Variants in KCNQ1 observed in about 807,000 individuals in gnomAD.
KCNQ1 encodes potassium voltage-gated channel subfamily Q member 1.
KCNQ1 carries 49 observed loss-of-function variants against 72.4 expected under a neutral mutation model. That is an observed-to-expected ratio of 0.68 (90% confidence interval 0.54 to 0.86). The LOEUF is 0.86. Ranked by LOEUF, KCNQ1 falls within the 40% of genes least tolerant of loss-of-function variation. The pLI is 0.00. For missense variants in KCNQ1, 790 were observed against 945.1 expected, an observed-to-expected ratio of 0.84 and a Z score of 2.15; for synonymous variants, 450 against 412.6, an observed-to-expected ratio of 1.09 and a Z score of -1.10.
rs547697499 is a variant in KCNQ1 at position 2,565,777 on chromosome 11, A to T, written c.478-4851A>T. ...TCCGAGGCGTTTCTTCCCACTTCAC[A>T]TGTCTTTTCTGTTGTTTCTGCGAAG... On this transcript the variant is annotated intron_variant, in intron 2 of 15. Transcript: ENST00000155840. The surrounding 1 kb of genome is among the most constrained non-coding windows in gnomAD (Gnocchi z 5.6). Among the ~76,000 whole-genome samples, 3 of 152,258 alleles carry T rather than the reference A, an allele frequency of 2.0e-5. No individual in the cohort carries two copies. Among genetic ancestry groups the T allele is most frequent in the African/African-American group, 7.2e-5 (3 of 41,558 alleles).
intron 8 of KCNQ1, among the ~76,000 whole-genome samples, chr11:2,586,482 C>T (rs1376171827): frequency 2.0e-5 from 3 of 152,210 alleles, no homozygotes. Flanking sequence ...CATTGGATTC[C>T]TGGTCCCACT....
rs543426353 is a variant in KCNQ1 at position 2,614,232 on chromosome 11, A to G, written c.1393+25378A>G. ...TTAGTCATTTGCAAGAGCCTCCACT[A>G]TAGCTGCTGCTCTGGACTACCTATT... On this transcript the variant is annotated intron_variant, in intron 10 of 15. Transcript: ENST00000155840. 3.2e-4 allele frequency: 128 copies of G among 398,582 alleles called. 1 individual carries two copies. Among genetic ancestry groups the G allele is most frequent in the Middle Eastern group, 3.1e-3 (5 of 1,588 alleles). The allele number at this position is 398,582 out of a possible 1,614,324, so 24.7% of individuals were successfully genotyped here. A position where few individuals can be genotyped will look rare whatever the true frequency, so the allele number is the denominator to read the frequency against.
At chr11:2,666,984 G>A (rs1350367465) in intron 11 of KCNQ1, 2 of 398,584 alleles carry the variant, frequency 5.0e-6, no homozygotes, top group Non-Finnish European at 8.8e-6. Flanking sequence ...CGCCCGGGAG[G>A]GCTGTACAGG....
chr11:2,523,641 T>C (rs2283152), intron 1 of KCNQ1, among the ~76,000 whole-genome samples: 100,107 of 152,082 alleles, frequency 0.66, 33,440 homozygotes, highest in African/African-American at 0.73. Context: ...GAAGGGCAGC[T>C]GTGAAGTGGG....
Position 2,659,628 on chromosome 11 carries a change from A to G in KCNQ1, c.1394-2333A>G. On this transcript the variant is annotated intron_variant, in intron 10 of 15. Coordinates refer to ENST00000155840, the MANE Select transcript of KCNQ1 (RefSeq NM_000218.3). This position sits in a 1 kb window ranked among gnomAD's most constrained non-coding sequence, Gnocchi z 4.3. ...TCACTTGGGTGGGAAAGGAACCGAT[A>G]GGTCATGTGGTATGTGTATGTTTAA... 2.5e-6 allele frequency: 1 copy of G among 398,560 alleles called. No individual in the cohort carries two copies. The highest frequency in any genetic ancestry group is 4.4e-6 in the Non-Finnish European group (1 of 226,022). 24.7% of individuals were successfully genotyped at this position (398,560 alleles called of 1,614,324 possible).
Position 2,668,401 on chromosome 11 carries a change from A to T in KCNQ1, c.1514+6320A>T, listed in dbSNP as rs1850122616. On this transcript the variant is annotated intron_variant, in intron 11 of 15. Coordinates refer to ENST00000155840, the MANE Select transcript of KCNQ1 (RefSeq NM_000218.3). The surrounding 1 kb of genome is among the most constrained non-coding windows in gnomAD (Gnocchi z 4.3). ...TACCCAGCAGTCTACCAAAGGAGTC[A>T]TTCCAATTTTCATTCCCACAGGCAG... 2.5e-6 allele frequency: 1 copy of T among 398,516 alleles called. No individual in the cohort carries two copies. Among genetic ancestry groups the T allele is most frequent in the African/African-American group, 2.1e-5 (1 of 48,618 alleles). 24.7% of individuals were successfully genotyped at this position (398,516 alleles called of 1,614,324 possible). A position where few individuals can be genotyped will look rare whatever the true frequency, so the allele number is the denominator to read the frequency against.
At position 2,734,014 on chromosome 11, in the gene KCNQ1, C is replaced by T. The variant is rs1377843514; in HGVS notation, c.1515-34830C>T. 6.6e-6 allele frequency among the ~76,000 whole-genome samples: 1 copy of T among 152,000 alleles called. No individual in the cohort carries two copies. Among genetic ancestry groups the T allele is most frequent in the Non-Finnish European group, 1.5e-5 (1 of 67,994 alleles). ...CTGAACATCCTCCTCAGAGCAGTTG[C>T]GCGCTCTAAATCAGGACCACCTTGC... is the stretch of plus-strand genomic sequence containing the variant. On this transcript the variant is annotated intron_variant, in intron 11 of 15. Coordinates refer to ENST00000155840, the MANE Select transcript of KCNQ1 (RefSeq NM_000218.3). This position sits in a 1 kb window ranked among gnomAD's most constrained non-coding sequence, Gnocchi z 7.0.
rs530696509 is a variant in KCNQ1 at position 2,585,128 on chromosome 11, C to T, written c.1033-84C>T. 51 of 1,243,908 alleles carry T rather than the reference C, an allele frequency of 4.1e-5. No homozygotes were observed. The African/African-American group carries it at 5.0e-4, about 12-fold the overall frequency. 77.1% of individuals were successfully genotyped at this position (1,243,908 alleles called of 1,614,324 possible). A position where few individuals can be genotyped will look rare whatever the true frequency, so the allele number is the denominator to read the frequency against. The stretch of plus-strand genomic sequence containing the variant: ...CTGACCATACCTGGCCTTCCCACAA[C>T]GGTGACCGGTAACCACGTCCTGAGG... On this transcript the variant is annotated intron_variant, in intron 7 of 15. Coordinates refer to ENST00000155840, the MANE Select transcript of KCNQ1 (RefSeq NM_000218.3).
intron 11 of KCNQ1, among the ~76,000 whole-genome samples, chr11:2,719,228 C>T (rs1851160815): frequency 6.6e-6 from 1 of 151,522 alleles, no homozygotes; most frequent in Admixed American, 6.6e-5. Context: ...GAAGGTGGTG[C>T]TGGCTAAAGC....
Position 2,606,424 on chromosome 11 carries a change from C to T in KCNQ1, c.1393+17570C>T, listed in dbSNP as rs183198059. On this transcript the variant is annotated intron_variant, in intron 10 of 15. Transcript: ENST00000155840. ...CTCGTGAATGGCTTGGTACCATCCC[C>T]GTGGTAATGAGCGAATTCTTACTCT... is the stretch of plus-strand genomic sequence containing the variant. Among the ~76,000 whole-genome samples, 1,385 of 152,182 alleles carry T rather than the reference C, an allele frequency of 9.1e-3. 27 individuals carry two copies. The highest frequency in any genetic ancestry group is 0.05 in the South Asian group (243 of 4,822).
At chr11:2,517,020 T>C (rs1812529066) in intron 1 of KCNQ1, among the ~76,000 whole-genome samples, 1 of 152,134 alleles carries the variant, frequency 6.6e-6, no homozygotes, top group African/African-American at 2.4e-5. Flanking sequence ...CAAGCACGGC[T>C]GTGTTCACCC....
chr11:2,628,219 T>C (rs1849291595), intron 10 of KCNQ1: 2 of 398,532 alleles, frequency 5.0e-6, no homozygotes, highest in East Asian at 3.6e-5. Flanking sequence ...TATCGTGTTT[T>C]CCATAATGAC....
Position 2,767,061 on chromosome 11 carries a change from A to C in KCNQ1, c.1515-1783A>C, listed in dbSNP as rs921706877. ...GCATGGTGGTGTGCACCTGCTACTC[A>C]GGAGGCTGAGGCAGAAAAATCACTT... On this transcript the variant is annotated intron_variant, in intron 11 of 15. Coordinates refer to ENST00000155840, the MANE Select transcript of KCNQ1 (RefSeq NM_000218.3). This position sits in a 1 kb window ranked among gnomAD's most constrained non-coding sequence, Gnocchi z 4.6. 6.6e-6 allele frequency among the ~76,000 whole-genome samples: 1 copy of C among 152,186 alleles called. No homozygotes were observed. The highest frequency in any genetic ancestry group is 6.5e-5 in the Admixed American group (1 of 15,286).
At chr11:2,835,699 G>C (rs1214241791) in intron 15 of KCNQ1, among the ~76,000 whole-genome samples, 1 of 152,128 alleles carries the variant, frequency 6.6e-6, no homozygotes, top group Non-Finnish European at 1.5e-5. Context: ...CTGGGGCAGG[G>C]GTGTCTTTAG....
At chr11:2,840,596 G>A (rs1455550839) in intron 15 of KCNQ1, among the ~76,000 whole-genome samples, 2 of 152,144 alleles carry the variant, frequency 1.3e-5, no homozygotes, top group South Asian at 4.1e-4. Context: ...AGGCATAAAG[G>A]AAAAGATGGA....
Position 2,464,299 on chromosome 11 carries a change from T to A in KCNQ1, c.386+18815T>A, listed in dbSNP as rs942457723. ...GGGCTGTGGGTTTTAATCTTTTCATTTTTGCTCATCTGAATTTTCTAATTA... is the reference window on the plus strand; with the variant it reads ...GGGCTGTGGGTTTTAATCTTTTCATATTTGCTCATCTGAATTTTCTAATTA... On this transcript the variant is annotated intron_variant, in intron 1 of 15. Coordinates refer to ENST00000155840, the MANE Select transcript of KCNQ1 (RefSeq NM_000218.3). The surrounding 1 kb of genome is among the most constrained non-coding windows in gnomAD (Gnocchi z 5.0). Among the ~76,000 whole-genome samples, 1 of 152,200 alleles carries A rather than the reference T, an allele frequency of 6.6e-6. No individual in the cohort carries two copies. The highest frequency in any genetic ancestry group is 1.5e-5 in the Non-Finnish European group (1 of 68,040).
intron 4 of KCNQ1, 79 bp from the exon 5 acceptor site, chr11:2,571,934 G>C: frequency 8.2e-7 from 1 of 1,217,464 alleles, no homozygotes; most frequent in East Asian, 2.5e-5. Context: ...GGACACCCAT[G>C]CCATCGGCCA....
At chr11:2,572,586 A>G (rs974669103) in intron 5 of KCNQ1, among the ~76,000 whole-genome samples, 1 of 152,210 alleles carries the variant, frequency 6.6e-6, no homozygotes, top group African/African-American at 2.4e-5. Context: ...AGAGCTGGGC[A>G]ATCAGTGGAG....
At chr11:2,504,164 C>T (rs1191401744) in intron 1 of KCNQ1, among the ~76,000 whole-genome samples, 2 of 152,146 alleles carry the variant, frequency 1.3e-5, no homozygotes, top group Admixed American at 6.5e-5. Flanking sequence ...AGAATGAGAA[C>T]GTGTCATTTG....
Sources: gnomAD v4.1 joint callset for allele counts (sites outside exome capture counted in the v4.1 genomes callset) on GRCh38, gnomAD v4.1.1 for gene constraint, Gnocchi (gnomAD v3.1) non-coding constraint, MANE v1.5 for transcripts, NCBI Gene and HGNC (gene_info 2026-07-23, HGNC 2026-07-21) for gene names.